The following RTN4 variants were observed in gnomAD, a reference collection of about 807,000 sequenced individuals.
RTN4 encodes the protein reticulon 4.
A neutral mutation model predicts 90.4 loss-of-function variants in RTN4; 32 were observed. The ratio of observed to expected loss-of-function variants is 0.35; its 90% CI spans 0.27 to 0.48. RTN4 has a LOEUF of 0.48. Among genes scored for constraint, RTN4 ranks in the 20% least tolerant of loss-of-function variants. The pLI is 0.99. For synonymous variants in RTN4, 629 were observed against 552.5 expected (o/e 1.14, Z -1.94); for missense variants, 1,706 against 1,430.2 (o/e 1.19, Z -3.11).
chr2:55,103,273 G>A (rs1384691721), intron 1 of RTN4, among the ~76,000 whole-genome samples: 4 of 151,972 alleles, frequency 2.6e-5, no homozygotes, highest in African/African-American at 4.8e-5. Context: ...TAAAAAAGTC[G>A]AACTCAGGGC....
chr2:54,988,417 TA>T (rs1678746480), intron 3 of RTN4, among the ~76,000 whole-genome samples: 1 of 152,142 alleles, frequency 6.6e-6, no homozygotes, highest in Admixed American at 6.5e-5. Context: ...ATTAACACAC[TA>T]AAATGAGATA....
chr2:55,010,484 G>C (rs1680555339), intron 3 of RTN4: 1 of 403,916 alleles, frequency 2.5e-6, no homozygotes, highest in East Asian at 9.7e-5. Context: ...ACTAACCACT[G>C]AATGTATCTG....
At chr2:55,093,185 T>C (rs1668971487) in intron 1 of RTN4, among the ~76,000 whole-genome samples, 1 of 152,140 alleles carries the variant, frequency 6.6e-6, no homozygotes, top group Non-Finnish European at 1.5e-5. Context: ...AGAAATGTCA[T>C]ACACATTAAT....
At chr2:55,135,189 TTA>T in the RTN4 span, among the ~76,000 whole-genome samples, 1 of 146,902 alleles carries the variant, frequency 6.8e-6, no homozygotes, top group Admixed American at 7.3e-5. Context: ...TTTATATTGA[TTA>T]TATGTTTGTT....
At chr2:55,021,165 T>A (rs1353020686) in intron 3 of RTN4, among the ~76,000 whole-genome samples, 1 of 152,202 alleles carries the variant, frequency 6.6e-6, no homozygotes, top group African/African-American at 2.4e-5. Flanking sequence ...TTTTAAGTCA[T>A]CTGAGAAGAG....
chr2:54,972,664 C>T lies in RTN4; in HGVS notation c.*492G>A, dbSNP rs1573244910. ...TATAACAGTAAAAGTCACAATACAC[C>T]TAGAACATACCAGAAAAGCAAGCTT... On this transcript the variant is annotated 3_prime_UTR_variant, in exon 9 of 9. Coordinates refer to ENST00000337526, the MANE Select transcript of RTN4 (RefSeq NM_020532.5). 6.5e-6 allele frequency: 1 copy of T among 153,126 alleles called. No individual in the cohort carries two copies. Among genetic ancestry groups the T allele is most frequent in the Admixed American group, 6.5e-5 (1 of 15,304 alleles). The allele number at this position is 153,126 out of a possible 1,614,324, so 9.5% of individuals were successfully genotyped here.
Position 55,026,844 on chromosome 2 carries a change from T to C in RTN4, c.1255A>G (p.Lys419Glu), listed in dbSNP as rs142353497. The C allele has an allele frequency of 6.2e-7, 1 of 1,613,964 alleles. No homozygotes were observed. ...GGKIESNLES[K>E]VDKKCFADSL... ...TCTGCAAAACATTTTTTATCCACTT[T>C]ACTTTCCAAGTTGCTCTCGATTTTA... Residue 419 changes from lysine (K) to glutamate (E), a missense_variant, in exon 3 of 9, where the codon AAA (lysine) becomes GAA (glutamate). Transcript: ENST00000337526.
chr2:55,050,285 G>C lies in RTN4; in HGVS notation c.16C>G (p.Gln6Glu). 6.9e-7 allele frequency: 1 copy of C among 1,452,372 alleles called. No homozygotes were observed. The highest frequency in any genetic ancestry group is 9.1e-7 in the Non-Finnish European group (1 of 1,101,738). 90.0% of individuals were successfully genotyped at this position (1,452,372 alleles called of 1,614,324 possible). ...TCCGAGGACGAGACCAGAGGAGACTGGTCCAGGTCTTCCATGGCTGGAGGG... is the reference window on the plus strand; with the variant it reads ...TCCGAGGACGAGACCAGAGGAGACTCGTCCAGGTCTTCCATGGCTGGAGGG... MEDLD[Q>E]SPLVSSSDSP... Residue 6 changes from glutamine to glutamate, a missense_variant, in exon 1 of 9, where the codon CAG (glutamine) becomes GAG (glutamate). Physicochemically the swap from Gln to Glu is conservative, Grantham distance 29. Coordinates refer to ENST00000337526, the MANE Select transcript of RTN4 (RefSeq NM_020532.5). This position sits in a 1 kb window ranked among gnomAD's most constrained non-coding sequence, Gnocchi z 4.6.
intron 1 of RTN4, among the ~76,000 whole-genome samples, chr2:55,084,264 C>A (rs563830709): frequency 2.6e-5 from 4 of 151,486 alleles, no homozygotes; most frequent in African/African-American, 7.3e-5. Context: ...CCTTGTGCAT[C>A]TTTTTCATCT....
intron 5 of RTN4, among the ~76,000 whole-genome samples, chr2:54,976,663 C>T (rs1024281000): frequency 1.3e-5 from 2 of 152,142 alleles, no homozygotes. Flanking sequence ...GGGAACACAC[C>T]ACCAGGAGAG....
At chr2:55,116,414 C>T (rs1318063902), upstream of RTN4, among the ~76,000 whole-genome samples, 1 of 152,144 alleles carries the variant, frequency 6.6e-6, no homozygotes, top group African/African-American at 2.4e-5. Flanking sequence ...AAAATGCCTC[C>T]ACACCACATA....
intron 3 of RTN4, among the ~76,000 whole-genome samples, chr2:54,994,988 T>C (rs916160927): frequency 6.6e-6 from 1 of 152,216 alleles, no homozygotes. Context: ...CTCACGCCTG[T>C]AATCCCAGCA....
chr2:55,053,935 G>A (rs1385998479), upstream of RTN4, among the ~76,000 whole-genome samples: 1 of 152,116 alleles, frequency 6.6e-6, no homozygotes. Context: ...TGGACATAGA[G>A]TTTGGAATGA....
intron 1 of RTN4, among the ~76,000 whole-genome samples, chr2:55,101,005 T>C (rs998897836): frequency 9.2e-5 from 14 of 152,160 alleles, no homozygotes; most frequent in Admixed American, 2.6e-4. Flanking sequence ...GAATAAATAA[T>C]GGTAAATTTA....
At chr2:55,092,511 G>C (rs1032930685) in intron 1 of RTN4, among the ~76,000 whole-genome samples, 8 of 152,152 alleles carry the variant, frequency 5.3e-5, no homozygotes, top group African/African-American at 1.7e-4. Context: ...TGGGATTACA[G>C]GCGTGAGCCA....
rs1383990860 is a variant in RTN4 at position 55,027,150 on chromosome 2, C to G, written c.949G>C (p.Ala317Pro). ...SPKAESAVIV[A>P]NPREEIIVKN... ...ACGATTATTTCTTCCCTAGGATTTG[C>G]TACTATTACGGCAGATTCTGCTTTT... The change falls in exon 3 of 9, where the codon GCA becomes CCA. Residue 317 changes from alanine (A) to proline (P), a missense_variant. Physicochemically the swap from Ala to Pro is conservative, Grantham distance 27 (BLOSUM62 -1). Coordinates refer to ENST00000337526, the MANE Select transcript of RTN4 (RefSeq NM_020532.5). 1 of 1,613,546 alleles carries G rather than the reference C, an allele frequency of 6.2e-7. No individual in the cohort carries two copies. The highest frequency in any genetic ancestry group is 2.2e-5 in the East Asian group (1 of 44,864).
chr2:55,053,695 A>G (rs112117192), upstream of RTN4, among the ~76,000 whole-genome samples: 5 of 110,422 alleles, frequency 4.5e-5, no homozygotes, highest in Non-Finnish European at 8.0e-5. Flanking sequence ...TCAAAAAAAA[A>G]CAAAAAAAAA....
At chr2:55,129,000 C>T in the RTN4 span, among the ~76,000 whole-genome samples, 5 of 150,396 alleles carry the variant, frequency 3.3e-5, no homozygotes, top group Non-Finnish European at 7.4e-5. Context: ...CCCAGCTACT[C>T]GGGAGGCTGA....
At chr2:55,037,415 C>T (rs1682767124) in intron 1 of RTN4, among the ~76,000 whole-genome samples, 1 of 152,226 alleles carries the variant, frequency 6.6e-6, no homozygotes, top group South Asian at 2.1e-4. Flanking sequence ...CAGCAACTAG[C>T]AGCCATGCTT....
Sources: gnomAD v4.1 joint callset for allele counts (sites outside exome capture counted in the v4.1 genomes callset) on GRCh38, gnomAD v4.1.1 for gene constraint, Gnocchi (gnomAD v3.1) non-coding constraint, MANE v1.5 for transcripts, NCBI Gene and HGNC (gene_info 2026-07-23, HGNC 2026-07-21) for gene names.